SPPL2A: variants seen among roughly 807,000 people sequenced by gnomAD.
SPPL2A encodes signal peptide peptidase-like 2A.
SPPL2A carries 51 observed loss-of-function variants against 63.8 expected under a neutral mutation model. The ratio of observed to expected loss-of-function variants is 0.80; its 90% CI spans 0.64 to 1.01. The LOEUF (loss-of-function observed/expected upper bound fraction) is 1.01, where lower values mean the gene tolerates loss of function less well. Ranked by LOEUF, SPPL2A falls within the 50% of genes least tolerant of loss-of-function variation. SPPL2A has a pLI of 0.00. For synonymous variants in SPPL2A, 188 were observed against 205.8 expected (o/e 0.91, Z 0.74); for missense variants, 553 against 622.7 (o/e 0.89, Z 1.19).
At chr15:50,747,685 T>C (rs1017863477) in intron 4 of SPPL2A, 57 bp from the exon 5 acceptor site, 17 of 1,261,630 alleles carry the variant, frequency 1.3e-5, no homozygotes, top group Non-Finnish European at 1.9e-5. Context: ...ACTATAGTCA[T>C]AACAGCAATA....
At chr15:50,738,647 G>A (rs924414368) in intron 6 of SPPL2A, among the ~76,000 whole-genome samples, 1 of 151,800 alleles carries the variant, frequency 6.6e-6, no homozygotes, top group Non-Finnish European at 1.5e-5. Context: ...GGTAGCCTTT[G>A]GTGGTTCTTA....
chr15:50,714,117 A>G (rs1435280906), intron 14 of SPPL2A, among the ~76,000 whole-genome samples: 1 of 152,212 alleles, frequency 6.6e-6, no homozygotes, highest in Non-Finnish European at 1.5e-5. Flanking sequence ...TCTTTACCTA[A>G]TACAATTACG....
chr15:50,725,905 CT>C (rs906480961), intron 11 of SPPL2A: 726 of 300,106 alleles, frequency 2.4e-3, no homozygotes, highest in South Asian at 4.5e-3. Flanking sequence ...CACATTTAAC[CT>C]TTTTTTTTTC....
At chr15:50,757,131 G>C (rs914764724) in intron 1 of SPPL2A, among the ~76,000 whole-genome samples, 5 of 135,686 alleles carry the variant, frequency 3.7e-5, no homozygotes, top group African/African-American at 1.4e-4. Flanking sequence ...CGCCCAGGCT[G>C]GAGTGCAGTG....
rs773796086 is a variant in SPPL2A at position 50,705,803 on chromosome 15, C to A, written c.*1997G>T. The A allele has an allele frequency of 1.3e-5, 2 of 152,116 alleles. No homozygotes were observed. Among genetic ancestry groups the A allele is most frequent in the African/African-American group, 4.8e-5 (2 of 41,424 alleles). The allele number at this position is 152,116 out of a possible 1,614,324, so 9.4% of individuals were successfully genotyped here. A position where few individuals can be genotyped will look rare whatever the true frequency, so the allele number is the denominator to read the frequency against. ...CAAAGGTCTGATCAATTTTAAAAGG[C>A]ATTAGTTTTATTTTTAATAAATTGA... On this transcript the variant is annotated 3_prime_UTR_variant, in exon 15 of 15. Coordinates refer to ENST00000261854, the MANE Select transcript of SPPL2A (RefSeq NM_032802.4).
intron 1 of SPPL2A, among the ~76,000 whole-genome samples, chr15:50,759,595 T>G (rs1401837445): frequency 6.6e-6 from 1 of 152,010 alleles, no homozygotes; most frequent in African/African-American, 2.4e-5. Flanking sequence ...CATAAAAAAT[T>G]AGCCGGGCAT....
chr15:50,739,231 T>TGCAATGGC (rs1219304424), intron 6 of SPPL2A, among the ~76,000 whole-genome samples: 1 of 145,854 alleles, frequency 6.9e-6, no homozygotes, highest in Non-Finnish European at 1.5e-5. Context: ...CAGGCTGGAG[T>TGCAATGGC]GCAATGGCGC....
chr15:50,716,679 A>G (rs1259952730), intron 14 of SPPL2A, among the ~76,000 whole-genome samples: 1 of 152,186 alleles, frequency 6.6e-6, no homozygotes, highest in Non-Finnish European at 1.5e-5. Flanking sequence ...TTTAATGTCA[A>G]CTCACAATAA....
In SPPL2A at chr15:50,748,773, C is replaced by T. The variant is rs2062880337; in HGVS notation, c.275G>A (p.Trp92Ter). The change falls in exon 3 of 15, where the codon TGG becomes TAG. Residue 92 changes from tryptophan (W) to a stop codon, truncating the protein, a stop_gained. Transcript: ENST00000261854. LOFTEE classifies it high-confidence loss of function. ...GIKSKAVVVP[W>*]GSCHFLEKAR... ...TTTTTCAAGAAAATGGCAGCTTCCC[C>T]ATGGAACCACAACTGCTTTGCTCTT... 2 of 1,612,042 alleles carry T rather than the reference C, an allele frequency of 1.2e-6. No individual in the cohort carries two copies. Among genetic ancestry groups the T allele is most frequent in the Non-Finnish European group, 8.5e-7 (1 of 1,179,134 alleles).
At chr15:50,749,311 G>A (rs1450569807) in intron 2 of SPPL2A, among the ~76,000 whole-genome samples, 2 of 151,518 alleles carry the variant, frequency 1.3e-5, no homozygotes, top group South Asian at 4.2e-4. Context: ...TTTCAGAGAC[G>A]AAGTCTCACC....
chr15:50,750,352 T>TTA (rs1404326646), intron 1 of SPPL2A, among the ~76,000 whole-genome samples: 1 of 152,254 alleles, frequency 6.6e-6, no homozygotes, highest in Admixed American at 6.5e-5. Flanking sequence ...ACTGCTGGGA[T>TTA]TATAGGTGTG....
At chr15:50,759,824 A>ATT (rs1478198605) in intron 1 of SPPL2A, among the ~76,000 whole-genome samples, 2 of 151,988 alleles carry the variant, frequency 1.3e-5, no homozygotes, top group Non-Finnish European at 2.9e-5. Context: ...TTCTAGTCCT[A>ATT]TTTTTCATGA....
chr15:50,761,468 T>G (rs1417771840), intron 1 of SPPL2A, among the ~76,000 whole-genome samples: 1 of 151,908 alleles, frequency 6.6e-6, no homozygotes, highest in African/African-American at 2.4e-5. Context: ...AATACAAAAT[T>G]AGCTGGGCGT....
In SPPL2A at chr15:50,706,665, G is replaced by C. The variant is rs1221531225; in HGVS notation, c.*1135C>G. 2 of 151,950 alleles carry C rather than the reference G, an allele frequency of 1.3e-5. No individual in the cohort carries two copies. The highest frequency in any genetic ancestry group is 3.9e-4 in the East Asian group (2 of 5,182). 9.4% of individuals were successfully genotyped at this position (151,950 alleles called of 1,614,324 possible). On this transcript the variant is annotated 3_prime_UTR_variant, in exon 15 of 15. Transcript: ENST00000261854. ...TGTTAGGAATGCTGTATTCAACGATGAGCCATATGTATTAATACATAATTT... is the reference window on the plus strand; with the variant it reads ...TGTTAGGAATGCTGTATTCAACGATCAGCCATATGTATTAATACATAATTT...
At chr15:50,715,293 C>T (rs995417988) in intron 14 of SPPL2A, among the ~76,000 whole-genome samples, 2 of 151,986 alleles carry the variant, frequency 1.3e-5, no homozygotes. Flanking sequence ...CCACCGCTCC[C>T]GGCCTAAGAA....
intron 1 of SPPL2A, among the ~76,000 whole-genome samples, chr15:50,755,211 G>A (rs1261440784): frequency 6.6e-6 from 1 of 151,762 alleles, no homozygotes. Context: ...CCAGCTACTC[G>A]GAAGCCTGAG....
chr15:50,756,851 C>G (rs1229537077), intron 1 of SPPL2A, among the ~76,000 whole-genome samples: 1 of 152,140 alleles, frequency 6.6e-6, no homozygotes, highest in African/African-American at 2.4e-5. Context: ...ACTGGGCTCT[C>G]TAAAACCGAG....
At chr15:50,760,340 A>C (rs1003988841) in intron 1 of SPPL2A, among the ~76,000 whole-genome samples, 3 of 152,002 alleles carry the variant, frequency 2.0e-5, no homozygotes, top group African/African-American at 7.3e-5. Context: ...GGCTCACTGC[A>C]ACCTCTGCCT....
At chr15:50,711,865 A>G (rs1469475047) in intron 14 of SPPL2A, among the ~76,000 whole-genome samples, 1 of 152,248 alleles carries the variant, frequency 6.6e-6, no homozygotes, top group Non-Finnish European at 1.5e-5. Context: ...ATTTCAAAAC[A>G]GCAGCAAAAA....
Sources: allele counts gnomAD v4.1 joint callset (sites outside exome capture counted in the v4.1 genomes callset), GRCh38; gene constraint gnomAD v4.1.1; transcripts MANE v1.5; gene names NCBI Gene and HGNC (gene_info 2026-07-23, HGNC 2026-07-21).